Variants in PFKL observed in about 807,000 individuals in gnomAD.
The protein encoded by PFKL is ATP-dependent 6-phosphofructokinase, liver type.
Under a neutral mutation model 92.1 loss-of-function variants are expected in PFKL, and 74 were observed. The ratio of observed to expected loss-of-function variants is 0.80; its 90% CI spans 0.67 to 0.97. The LOEUF is 0.97. Among genes scored for constraint, PFKL ranks in the 50% least tolerant of loss-of-function variants. The pLI is 0.00. For synonymous variants in PFKL, 494 were observed against 456.4 expected (o/e 1.08, Z -1.05); for missense variants, 1,028 against 1,116.6 (o/e 0.92, Z 1.13).
rs112570903 is a variant in PFKL, at chr21:44,322,002, C to T, written c.1338+127C>T. 3.4e-5 allele frequency: 49 copies of T among 1,431,930 alleles called. 1 individual carries two copies. In the Admixed American group the frequency reaches 3.8e-4, roughly 11 times the overall value. The allele number at this position is 1,431,930 out of a possible 1,614,324, so 88.7% of individuals were successfully genotyped here. A position where few individuals can be genotyped will look rare whatever the true frequency, so the allele number is the denominator to read the frequency against. On this transcript the variant is annotated intron_variant, in intron 13 of 21. Coordinates refer to ENST00000349048, the MANE Select transcript of PFKL (RefSeq NM_002626.6). ...CTGGGTCCGCGTGTCGGTGCCCACC[C>T]GGGCCTGGGTACTCAGCTCTGCCTG...
intron 12 of PFKL, 24 bp from the exon 13 acceptor site, chr21:44,321,705 G>C (rs764790562): frequency 2.0e-6 from 3 of 1,521,792 alleles, no homozygotes; most frequent in African/African-American, 1.4e-5. Context: ...TGTGCCTCAC[G>C]CTCATCTCCC....
At chr21:44,308,920 A>T (rs1411030441) in intron 2 of PFKL, among the ~76,000 whole-genome samples, 5 of 152,122 alleles carry the variant, frequency 3.3e-5, no homozygotes, top group Non-Finnish European at 7.3e-5. Context: ...CCTGGTGACC[A>T]CCTGCCCAAG....
intron 1 of PFKL, among the ~76,000 whole-genome samples, chr21:44,306,130 G>T (rs2040935512): frequency 1.5e-5 from 1 of 66,676 alleles, no homozygotes. Flanking sequence ...GTCTGGGGTG[G>T]GGCCGGTGTG....
chr21:44,321,723 C>G lies in PFKL; in HGVS notation c.1192-6C>G. 6.4e-7 allele frequency: 1 copy of G among 1,554,304 alleles called. No individual in the cohort carries two copies. Among genetic ancestry groups the G allele is most frequent in the Middle Eastern group, 1.7e-4 (1 of 5,796 alleles). ...GCCTCACGCTCATCTCCCCTTCTCT[C>G]TGAAGTCTAACTTCTCCCTGGCCAT... On this transcript the variant is annotated splice_region_variant and splice_polypyrimidine_tract_variant and intron_variant, in intron 12 of 21. Coordinates refer to ENST00000349048, the MANE Select transcript of PFKL (RefSeq NM_002626.6).
At chr21:44,304,633 G>A (rs1334080297) in intron 1 of PFKL, among the ~76,000 whole-genome samples, 1 of 151,314 alleles carries the variant, frequency 6.6e-6, no homozygotes, top group Non-Finnish European at 1.5e-5. Context: ...CAGGCAGCAG[G>A]ACTTGGCTCT....
intron 12 of PFKL, chr21:44,320,929 TCCTC>T (rs1367428695): frequency 6.6e-6 from 1 of 152,216 alleles, no homozygotes; most frequent in East Asian, 1.9e-4. Context: ...CTGAGTCTGG[TCCTC>T]CCTTCCATGG....
intron 4 of PFKL, 77 bp downstream of exon 4, chr21:44,312,371 C>T (rs2047072925): frequency 3.7e-6 from 5 of 1,344,848 alleles, no homozygotes; most frequent in Non-Finnish European, 4.0e-6. Flanking sequence ...ATGGGCAGGA[C>T]AGAGGGACGA....
chr21:44,315,471 T>G (rs1453224943), intron 7 of PFKL: 1 of 152,480 alleles, frequency 6.6e-6, no homozygotes, highest in Non-Finnish European at 1.5e-5. Context: ...CAGGTAGCCC[T>G]CCACTCCCAC....
At chr21:44,313,264 C>T in intron 5 of PFKL, 121 bp downstream of exon 5, 13 of 1,138,892 alleles carry the variant, frequency 1.1e-5, no homozygotes, top group Non-Finnish European at 1.6e-5. Flanking sequence ...AGCATCCAGG[C>T]CAGCCGCCCT....
chr21:44,316,064 G>A lies in PFKL; in HGVS notation c.748-180G>A, dbSNP rs537438184. 1.9e-4 allele frequency: 116 copies of A among 626,842 alleles called. 1 individual carries two copies. Among genetic ancestry groups the A allele is most frequent in the African/African-American group, 1.2e-3 (66 of 55,182 alleles). The allele number at this position is 626,842 out of a possible 1,614,324, so 38.8% of individuals were successfully genotyped here. On this transcript the variant is annotated intron_variant, in intron 7 of 21. Transcript: ENST00000349048. ...CCAGGAGGGCGGGGCGTCCTAGTGG[G>A]CCCAGCCTCATCTCTGCCCTCGCGC...
chr21:44,323,162 C>A, intron 15 of PFKL, 113 bp downstream of exon 15: 1 of 861,188 alleles, frequency 1.2e-6, no homozygotes, highest in East Asian at 2.6e-5. Flanking sequence ...ATGCAGGGGC[C>A]GAGAGGGTCG....
chr21:44,316,771 G>A (rs978895477), intron 9 of PFKL, among the ~76,000 whole-genome samples: 7 of 152,232 alleles, frequency 4.6e-5, no homozygotes, highest in Middle Eastern at 3.4e-3. Flanking sequence ...GTGGGTGTGT[G>A]TGGGTGTTCC....
chr21:44,308,852 G>A (rs185596870), intron 2 of PFKL, among the ~76,000 whole-genome samples: 2 of 152,274 alleles, frequency 1.3e-5, no homozygotes, highest in African/African-American at 4.8e-5. Context: ...GCGAGCCACT[G>A]TGCACGGCCA....
At chr21:44,324,788 G>T in intron 17 of PFKL, 68 bp from the exon 18 acceptor site, 3 of 1,586,528 alleles carry the variant, frequency 1.9e-6, no homozygotes, top group Non-Finnish European at 2.6e-6. Flanking sequence ...GCTGGCCCCG[G>T]ATCGCCGGTC....
intron 5 of PFKL, among the ~76,000 whole-genome samples, 168 bp downstream of exon 5, chr21:44,313,311 T>A (rs2047107995): frequency 6.6e-6 from 1 of 152,110 alleles, no homozygotes; most frequent in African/African-American, 2.4e-5. Flanking sequence ...CGGGCTCCAC[T>A]CCCACTCTGC....
Position 44,312,183 on chromosome 21 carries a change from G to T in PFKL, c.316G>T (p.Val106Phe). ...EGRRAAAYNL[V>F]QHGITNLCVI... ...GCGCCGGGCAGCGGCCTACAACCTG[G>T]TCCAGCACGGCATCACCAACCTGTG... is the stretch of plus-strand genomic sequence containing the variant. Residue 106 changes from valine to phenylalanine, a missense_variant, in exon 4 of 22, where the codon GTC becomes TTC. By Grantham distance (50) the Val-to-Phe change is conservative. Coordinates refer to ENST00000349048, the MANE Select transcript of PFKL (RefSeq NM_002626.6). 6.2e-7 allele frequency: 1 copy of T among 1,604,960 alleles called. No individual in the cohort carries two copies. The highest frequency in any genetic ancestry group is 8.5e-7 in the Non-Finnish European group (1 of 1,176,454).
chr21:44,312,091 TCTC>T lies in PFKL; in HGVS notation c.238-10_238-8del. ...CTGCCATCTCTCCTGAAGTTTCTGG[TCTC>T]CTCTGTGCAGGGCGGCACTATCATT... On this transcript the variant is annotated splice_polypyrimidine_tract_variant and intron_variant, in intron 3 of 21. Coordinates refer to ENST00000349048, the MANE Select transcript of PFKL (RefSeq NM_002626.6). The T allele has an allele frequency of 1.4e-6, 2 of 1,447,304 alleles. No individual in the cohort carries two copies. Among genetic ancestry groups the T allele is most frequent in the South Asian group, 1.5e-5 (1 of 68,006 alleles). The allele number at this position is 1,447,304 out of a possible 1,614,324, so 89.7% of individuals were successfully genotyped here.
chr21:44,309,467 G>T (rs1284552116), intron 2 of PFKL, among the ~76,000 whole-genome samples: 1 of 152,134 alleles, frequency 6.6e-6, no homozygotes, highest in Non-Finnish European at 1.5e-5. Context: ...GTAGAGGGGG[G>T]CAAACAGCTT....
chr21:44,304,234 C>T lies in PFKL; in HGVS notation c.86-2447C>T, dbSNP rs370943828. 8.5e-6 allele frequency: 11 copies of T among 1,288,972 alleles called. No homozygotes were observed. The East Asian group carries it at 1.7e-4, about 19-fold the overall frequency. The allele number at this position is 1,288,972 out of a possible 1,614,324, so 79.8% of individuals were successfully genotyped here. A position where few individuals can be genotyped will look rare whatever the true frequency, so the allele number is the denominator to read the frequency against. ...AAGACATTTGGAAGTGAGGGGTACC[C>T]TTGCTGACCCCTGATCCTGGGGCCC... On this transcript the variant is annotated intron_variant, in intron 1 of 21. Transcript: ENST00000349048.
Sources: gnomAD v4.1 joint callset for allele counts (sites outside exome capture counted in the v4.1 genomes callset) on GRCh38, gnomAD v4.1.1 for gene constraint, MANE v1.5 for transcripts, NCBI Gene and HGNC (gene_info 2026-07-23, HGNC 2026-07-21) for gene names.